The following NPHP4 variants were observed in gnomAD, a reference collection of about 807,000 sequenced individuals.
The protein encoded by NPHP4 is nephrocystin-4.
In NPHP4, 151 loss-of-function variants were observed where a neutral mutation model predicts 155.8. The observed-to-expected ratio is 0.97, with a 90% CI of 0.85 to 1.11. The LOEUF (loss-of-function observed/expected upper bound fraction) is 1.11. Among genes scored for constraint, NPHP4 ranks in the 50% least tolerant of loss-of-function variants. The pLI, the probability that NPHP4 is intolerant of heterozygous loss-of-function variation, is 0.00. For synonymous variants in NPHP4, 845 were observed against 816.8 expected, an observed-to-expected ratio of 1.03 and a Z score of -0.59; for missense variants, 1,956 against 1,925.7, an observed-to-expected ratio of 1.02 and a Z score of -0.29.
Position 5,867,787 on chromosome 1 carries a change from G to C in NPHP4, c.3425C>G (p.Ser1142Cys). Residue 1142 changes from serine (S) to cysteine (C), a missense_variant, in exon 24 of 30, where the codon TCC becomes TGC. Coordinates refer to ENST00000378156, the MANE Select transcript of NPHP4 (RefSeq NM_015102.5). The surrounding 1 kb of genome is among the most constrained non-coding windows in gnomAD (Gnocchi z 4.1). ...CAGGCGGATGGCCTTCTTCAGGAAG[G>C]AGAGCTCCGGGTGATAGAAGCGGAA... ...QVFRFYHPELSFLKKAIRLPP... is the reference protein window; with the variant it reads ...QVFRFYHPELCFLKKAIRLPP... 1 of 1,612,482 alleles carries C rather than the reference G, an allele frequency of 6.2e-7. No homozygotes were observed. The highest frequency in any genetic ancestry group is 8.5e-7 in the Non-Finnish European group (1 of 1,179,868).
chr1:5,879,567 C>G (rs546216970), intron 19 of NPHP4: 1 of 518,942 alleles, frequency 1.9e-6, no homozygotes, highest in Non-Finnish European at 3.8e-6. Context: ...AGCAGCCAAC[C>G]AGACACAAAT....
intron 1 of NPHP4, among the ~76,000 whole-genome samples, chr1:5,991,751 C>CAGCCGG (rs1324089033): frequency 1.3e-5 from 2 of 151,522 alleles, no homozygotes; most frequent in Non-Finnish European, 2.9e-5. Flanking sequence ...GGGGAACTGA[C>CAGCCGG]AGCCGGAGCC....
In NPHP4 at chr1:5,866,204, C is replaced by G. The variant is rs111316010; in HGVS notation, c.3644+169G>C. 837 of 670,358 alleles carry G rather than the reference C, an allele frequency of 1.2e-3. 3 individuals carry two copies. The African/African-American group carries it at 0.013, about 10-fold the overall frequency. The allele number at this position is 670,358 out of a possible 1,614,324, so 41.5% of individuals were successfully genotyped here. ...CCCTCCAAGGTGCCTTCCCTAGACC[C>G]CTGCGGGCCCTGAACTCGCAGCAGA... On this transcript the variant is annotated intron_variant, in intron 26 of 29. Transcript: ENST00000378156.
chr1:5,898,546 C>T lies in NPHP4; in HGVS notation c.2143+6071G>A, dbSNP rs532088994. Among the ~76,000 whole-genome samples the T allele has an allele frequency of 2.6e-5, 4 of 152,338 alleles. No individual in the cohort carries two copies. In the South Asian group the frequency reaches 8.3e-4, roughly 32 times the overall value. ...AGCGGCTCTGCCGGGCAGACAGCCACGCCTCAGATGCCGCTCTCTGAGTGG... is the reference window on the plus strand; with the variant it reads ...AGCGGCTCTGCCGGGCAGACAGCCATGCCTCAGATGCCGCTCTCTGAGTGG... On this transcript the variant is annotated intron_variant, in intron 16 of 29. Coordinates refer to ENST00000378156, the MANE Select transcript of NPHP4 (RefSeq NM_015102.5).
intron 11 of NPHP4, among the ~76,000 whole-genome samples, chr1:5,914,286 A>AG (rs1645348899): frequency 7.1e-6 from 1 of 139,874 alleles, no homozygotes; most frequent in African/African-American, 3.0e-5. Context: ...AAAAAAAAAA[A>AG]GGCCTGGTGT....
At chr1:5,865,000 G>T in intron 27 of NPHP4, 102 bp downstream of exon 27, 1 of 1,207,100 alleles carries the variant, frequency 8.3e-7, no homozygotes, top group Non-Finnish European at 1.2e-6. Flanking sequence ...CGCTGGAAAA[G>T]CTGCTGTCAG....
At chr1:5,886,313 C>T (rs911088176) in intron 18 of NPHP4, among the ~76,000 whole-genome samples, 12 of 152,204 alleles carry the variant, frequency 7.9e-5, no homozygotes, top group African/African-American at 2.7e-4. Context: ...GCCTCCAAGT[C>T]GACTTAACGA....
intron 11 of NPHP4, among the ~76,000 whole-genome samples, chr1:5,920,445 G>A (rs889549797): frequency 6.6e-6 from 1 of 152,158 alleles, no homozygotes; most frequent in Non-Finnish European, 1.5e-5. Context: ...TGCCCTGGCG[G>A]CCCCGTGTTA....
chr1:5,962,412 C>G (rs910973895), intron 5 of NPHP4, among the ~76,000 whole-genome samples: 1 of 152,152 alleles, frequency 6.6e-6, no homozygotes, highest in East Asian at 1.9e-4. Flanking sequence ...CTCCTGAGAG[C>G]ACAGACAGGC....
chr1:5,931,397 T>A (rs1296321166), intron 10 of NPHP4, among the ~76,000 whole-genome samples: 1 of 127,442 alleles, frequency 7.8e-6, no homozygotes, highest in Non-Finnish European at 1.7e-5. Flanking sequence ...TAATAGCATA[T>A]GTCTAAAAAA....
At chr1:5,879,066 C>T (rs1015718198) in intron 19 of NPHP4, among the ~76,000 whole-genome samples, 3 of 152,246 alleles carry the variant, frequency 2.0e-5, no homozygotes, top group Admixed American at 1.3e-4. Flanking sequence ...CCCCTCATGT[C>T]TGCTCCCAGG....
chr1:5,871,320 G>A (rs564266980), intron 23 of NPHP4, among the ~76,000 whole-genome samples: 12 of 152,304 alleles, frequency 7.9e-5, no homozygotes, highest in Non-Finnish European at 1.8e-4. Flanking sequence ...CAGTTCCAGC[G>A]TCTAAGAGCG....
intron 16 of NPHP4, among the ~76,000 whole-genome samples, chr1:5,897,958 G>A (rs965710411): frequency 2.0e-5 from 3 of 152,220 alleles, no homozygotes; most frequent in African/African-American, 7.2e-5. Flanking sequence ...CTGCAGGTGG[G>A]GACATATGGG....
chr1:5,921,649 G>A (rs1484580609), intron 11 of NPHP4, among the ~76,000 whole-genome samples: 2 of 152,166 alleles, frequency 1.3e-5, no homozygotes, highest in African/African-American at 2.4e-5. Flanking sequence ...TTCATATGAC[G>A]ACAGCGTTAG....
In NPHP4 at chr1:5,967,281, G is replaced by T. The variant is rs1651695905; in HGVS notation, c.517+18C>A. The T allele has an allele frequency of 6.3e-7, 1 of 1,589,108 alleles. No individual in the cohort carries two copies. The highest frequency in any genetic ancestry group is 8.6e-7 in the Non-Finnish European group (1 of 1,166,962). ...CACGAGAGCAGTGAGTGCTGCCAAG[G>T]CCAGGTCTGGCTCTTACGCTCTGCG... On this transcript the variant is annotated intron_variant, in intron 5 of 29. Coordinates refer to ENST00000378156, the MANE Select transcript of NPHP4 (RefSeq NM_015102.5).
At chr1:5,868,694 ACATG>A (rs908864387) in intron 23 of NPHP4, among the ~76,000 whole-genome samples, 2 of 146,526 alleles carry the variant, frequency 1.4e-5, no homozygotes, top group African/African-American at 5.0e-5. Context: ...GTACACATAT[ACATG>A]CACGCATGCC....
At position 5,874,538 on chromosome 1, in the gene NPHP4, G is replaced by C; in HGVS notation, c.3164C>G (p.Pro1055Arg). The C allele has an allele frequency of 2.5e-6, 4 of 1,598,356 alleles. No homozygotes were observed. Among genetic ancestry groups the C allele is most frequent in the Non-Finnish European group, 1.7e-6 (2 of 1,172,950 alleles). ...GAAGGGGACGTGGGCGGTCTCGTGG[G>C]GGCGCAGGTAGAGCTGGGGGGCCAG... Reference protein sequence around the residue: ...GSLAPQLYLRPHETAHVPFKF... With the variant: ...GSLAPQLYLRRHETAHVPFKF... Residue 1055 changes from proline (P) to arginine (R), a missense_variant, in exon 22 of 30, where the codon CCC becomes CGC. Transcript: ENST00000378156.
At chr1:5,936,988 AAG>A (rs1646574751) in intron 9 of NPHP4, among the ~76,000 whole-genome samples, 1 of 152,246 alleles carries the variant, frequency 6.6e-6, no homozygotes, top group Admixed American at 6.5e-5. Flanking sequence ...AGACACAGAG[AAG>A]AGGCCACATG....
intron 10 of NPHP4, among the ~76,000 whole-genome samples, chr1:5,930,487 C>T (rs1557761729): frequency 6.6e-6 from 1 of 152,274 alleles, no homozygotes; most frequent in East Asian, 1.9e-4. Context: ...ATTTCCATAT[C>T]TGTTAAGTTC....
Sources: allele counts gnomAD v4.1 joint callset (sites outside exome capture counted in the v4.1 genomes callset), GRCh38; gene constraint gnomAD v4.1.1; non-coding constraint Gnocchi (gnomAD v3.1); transcripts MANE v1.5; gene names NCBI Gene and HGNC (gene_info 2026-07-23, HGNC 2026-07-21).